Variants in CNTN6 observed in about 807,000 individuals in gnomAD.
CNTN6 encodes contactin 6.
CNTN6 carries 137 observed loss-of-function variants against 122.8 expected under a neutral mutation model. That is an observed-to-expected ratio of 1.12 (90% CI 0.97 to 1.29). The LOEUF (loss-of-function observed/expected upper bound fraction) is 1.29, where lower values mean the gene tolerates loss of function less well. Among genes scored for constraint, CNTN6 ranks in the 50% most tolerant of loss-of-function variants. CNTN6 has a pLI of 0.00. For missense variants in CNTN6, 1,634 were observed against 1,223.4 expected, an observed-to-expected ratio of 1.34 and a Z score of -5.01; for synonymous variants, 570 against 426.0, an observed-to-expected ratio of 1.34 and a Z score of -4.16.
At chr3:1,354,959 G>A (rs181859928) in intron 12 of CNTN6, among the ~76,000 whole-genome samples, 176 of 151,596 alleles carry the variant, frequency 1.2e-3, no homozygotes, top group Non-Finnish European at 1.9e-3. Flanking sequence ...CCAAAAATTC[G>A]TGAAGAGAAT....
At position 1,383,090 on chromosome 3, in the gene CNTN6, C is replaced by G. The variant is rs1692178877; in HGVS notation, c.2315C>G (p.Ser772Cys). Residue 772 changes from serine to cysteine, a missense_variant, in exon 18 of 23, where the codon TCT becomes TGT. Ser to Cys is a moderately radical substitution (Grantham distance 112). Transcript: ENST00000446702. ...AGAAATGAAAGCATCATCCCACTGTCTCCCTTTGAAGTCAAAGTGGGTGTG... is the reference window on the plus strand; with the variant it reads ...AGAAATGAAAGCATCATCCCACTGTGTCCCTTTGAAGTCAAAGTGGGTGTG... ...VYRNESIIPLSPFEVKVGVYN... is the reference protein window; with the variant it reads ...VYRNESIIPLCPFEVKVGVYN... 8 of 1,613,992 alleles carry G rather than the reference C, an allele frequency of 5.0e-6. No individual in the cohort carries two copies. The highest frequency in any genetic ancestry group is 6.8e-6 in the Non-Finnish European group (8 of 1,179,902).
intron 2 of CNTN6, among the ~76,000 whole-genome samples, chr3:1,187,903 C>A (rs1419700332): frequency 6.6e-6 from 1 of 152,134 alleles, no homozygotes; most frequent in African/African-American, 2.4e-5. Flanking sequence ...GTTGGGCAGT[C>A]TGTTCTTTCC....
In CNTN6 at chr3:1,348,126, A is replaced by G. The variant is rs1705024242; in HGVS notation, c.1365-4198A>G. Among the ~76,000 whole-genome samples, 4 of 136,500 alleles carry G rather than the reference A, an allele frequency of 2.9e-5. No individual in the cohort carries two copies. The East Asian group carries it at 8.2e-4, about 28-fold the overall frequency. The allele number at this position is 136,500 out of a possible 152,430, so 89.5% of individuals were successfully genotyped here. ...CAATTAATCCTCATGACTCTGTGAC[A>G]CAGGTAATATTAGTATTTCTATGCT... On this transcript the variant is annotated intron_variant, in intron 11 of 22. Transcript: ENST00000446702.
intron 4 of CNTN6, among the ~76,000 whole-genome samples, chr3:1,272,582 A>G (rs1038384974): frequency 6.6e-6 from 1 of 152,216 alleles, no homozygotes; most frequent in Non-Finnish European, 1.5e-5. Flanking sequence ...TGAGTGTACT[A>G]TGTCCTACTG....
intron 1 of CNTN6, among the ~76,000 whole-genome samples, chr3:1,110,005 C>T (rs926551782): frequency 3.9e-5 from 6 of 152,034 alleles, no homozygotes; most frequent in African/African-American, 1.4e-4. Context: ...AAATTGTTGT[C>T]TAGTTAGTGG....
At chr3:1,123,632 A>G (rs2092046531) in intron 1 of CNTN6, among the ~76,000 whole-genome samples, 1 of 151,930 alleles carries the variant, frequency 6.6e-6, no homozygotes, top group Non-Finnish European at 1.5e-5. Flanking sequence ...GCAAATGGAC[A>G]TGGTTTTGTT....
intron 1 of CNTN6, among the ~76,000 whole-genome samples, chr3:1,120,523 T>A (rs1165196512): frequency 2.6e-5 from 4 of 152,084 alleles, no homozygotes; most frequent in Non-Finnish European, 5.9e-5. Flanking sequence ...TTTTGCCTAT[T>A]TGCTTCTTTT....
intron 1 of CNTN6, among the ~76,000 whole-genome samples, chr3:1,131,783 T>C (rs1383308527): frequency 6.6e-6 from 1 of 152,122 alleles, no homozygotes; most frequent in Non-Finnish European, 1.5e-5. Flanking sequence ...CTGTTACAAG[T>C]AATTGCTATT....
intron 2 of CNTN6, among the ~76,000 whole-genome samples, chr3:1,208,022 A>G (rs1425570992): frequency 6.6e-6 from 1 of 152,056 alleles, no homozygotes; most frequent in East Asian, 1.9e-4. Flanking sequence ...ACATACTCCA[A>G]AAAAGCTCTC....
intron 12 of CNTN6, among the ~76,000 whole-genome samples, chr3:1,359,950 A>G (rs905034590): frequency 4.6e-5 from 7 of 151,944 alleles, no homozygotes; most frequent in Non-Finnish European, 8.8e-5. Context: ...AATCTATCTC[A>G]ATAGTCTCCC....
chr3:1,134,324 T>C (rs1018505254), intron 1 of CNTN6, among the ~76,000 whole-genome samples: 10 of 152,156 alleles, frequency 6.6e-5, no homozygotes, highest in Admixed American at 5.9e-4. Context: ...TTGCTGGTGA[T>C]AGATAGTAGG....
intron 1 of CNTN6, among the ~76,000 whole-genome samples, chr3:1,132,421 G>A (rs913120414): frequency 2.0e-5 from 3 of 152,004 alleles, no homozygotes; most frequent in Non-Finnish European, 4.4e-5. Flanking sequence ...ACACACCAGA[G>A]ATATATGTTT....
chr3:1,245,223 TA>T, intron 4 of CNTN6, among the ~76,000 whole-genome samples: 1 of 18,798 alleles, frequency 5.3e-5, no homozygotes, highest in East Asian at 1.3e-3. Flanking sequence ...TATATATATA[TA>T]TATATATATA....
intron 20 of CNTN6, among the ~76,000 whole-genome samples, chr3:1,395,612 G>T (rs1215878493): frequency 6.6e-6 from 1 of 151,940 alleles, no homozygotes; most frequent in African/African-American, 2.4e-5. Context: ...GATGACATTG[G>T]AGCCACCTGA....
chr3:1,227,146 T>C (rs937859127), intron 3 of CNTN6, among the ~76,000 whole-genome samples: 2 of 152,234 alleles, frequency 1.3e-5, no homozygotes, highest in Admixed American at 6.5e-5. Context: ...AGTTAATTCA[T>C]GTACTAAAGA....
chr3:1,328,627 T>C lies in CNTN6; in HGVS notation c.1213+1041T>C, dbSNP rs370347713. ...CTAAGAATTGAGGAGTTGCTATCGT[T>C]GCACATGACAAGTTGAACATAACCT... On this transcript the variant is annotated intron_variant, in intron 10 of 22. Coordinates refer to ENST00000446702, the MANE Select transcript of CNTN6 (RefSeq NM_001289080.2). Among the ~76,000 whole-genome samples, 6 of 151,936 alleles carry C rather than the reference T, an allele frequency of 3.9e-5. 1 individual carries two copies. Among genetic ancestry groups the C allele is most frequent in the African/African-American group, 1.4e-4 (6 of 41,496 alleles).
chr3:1,245,308 ATATATATAT>A (rs1559597831), intron 4 of CNTN6, among the ~76,000 whole-genome samples: 2 of 15,650 alleles, frequency 1.3e-4, no homozygotes, highest in African/African-American at 3.3e-4. Context: ...ATATATATAT[ATATATATAT>A]ATATATATAT....
rs1223419317 is a variant in CNTN6, at chr3:1,138,542, A to G, written c.-82-9385A>G. On this transcript the variant is annotated intron_variant, in intron 1 of 22. Transcript: ENST00000446702. ...GTTTTGTTTTTTCTTTAATTTGACA[A>G]TTATAGCAAAACAGAAGAGAAAGAA... Among the ~76,000 whole-genome samples the G allele has an allele frequency of 5.3e-5, 8 of 151,998 alleles. No individual in the cohort carries two copies. In the East Asian group the frequency reaches 1.3e-3, roughly 26 times the overall value.
intron 17 of CNTN6, among the ~76,000 whole-genome samples, chr3:1,380,451 T>A (rs1212674018): frequency 6.6e-6 from 1 of 152,200 alleles, no homozygotes; most frequent in Non-Finnish European, 1.5e-5. Context: ...TGTTTATACA[T>A]TATTTTATCA....
Sources: gnomAD v4.1 joint callset for allele counts (sites outside exome capture counted in the v4.1 genomes callset) on GRCh38, gnomAD v4.1.1 for gene constraint, MANE v1.5 for transcripts, NCBI Gene and HGNC (gene_info 2026-07-23, HGNC 2026-07-21) for gene names.